SYT1: variants seen among roughly 807,000 people sequenced by gnomAD.
SYT1 encodes synaptotagmin 1.
SYT1 carries 8 observed loss-of-function variants against 44.8 expected under a neutral mutation model. The observed-to-expected ratio is 0.18, with a 90% CI of 0.10 to 0.32. The LOEUF (loss-of-function observed/expected upper bound fraction) is 0.32. Ranked by LOEUF, SYT1 falls within the 10% of genes least tolerant of loss-of-function variation. The pLI is 1.00. For missense variants in SYT1, 286 were observed against 509.3 expected, an observed-to-expected ratio of 0.56 and a Z score of 4.22; for synonymous variants, 154 against 188.8, an observed-to-expected ratio of 0.82 and a Z score of 1.51.
chr12:78,905,015 C>T (rs1442447199), intron 1 of SYT1, among the ~76,000 whole-genome samples: 2 of 152,112 alleles, frequency 1.3e-5, no homozygotes, highest in Non-Finnish European at 2.9e-5. Context: ...ATTAAGCAAT[C>T]TCCTAAGATA....
At chr12:79,195,034 C>A (rs971752228) in intron 3 of SYT1, among the ~76,000 whole-genome samples, 1 of 152,086 alleles carries the variant, frequency 6.6e-6, no homozygotes. Flanking sequence ...CACAAATAAG[C>A]GAGAAAATCC....
At chr12:78,930,227 A>G (rs61929216) in intron 1 of SYT1, among the ~76,000 whole-genome samples, 13,799 of 152,156 alleles carry the variant, frequency 0.091, 716 homozygotes, top group East Asian at 0.18. Context: ...ACTGGTTAAA[A>G]CTTTCTGCAA....
chr12:78,926,618 A>C (rs1441836478), intron 1 of SYT1: 1 of 152,096 alleles, frequency 6.6e-6, no homozygotes, highest in Non-Finnish European at 1.5e-5. Flanking sequence ...ACCAAAAAAA[A>C]AGTATACTTA....
Position 79,296,248 on chromosome 12 carries a change from C to CATTT in SYT1, c.642+19_642+22dup. 1 of 1,609,736 alleles carries CATTT rather than the reference C, an allele frequency of 6.2e-7. No homozygotes were observed. The highest frequency in any genetic ancestry group is 8.5e-7 in the Non-Finnish European group (1 of 1,177,960). ...AATTTACTTTCAAGGTATTTGTTAA[C>CATTT]ATTTATTTATAACCTTTCCTTTGTT... On this transcript the variant is annotated intron_variant, in intron 7 of 10. Transcript: ENST00000261205.
intron 8 of SYT1, among the ~76,000 whole-genome samples, chr12:79,342,780 T>C (rs1374724984): frequency 6.6e-6 from 1 of 152,230 alleles, no homozygotes; most frequent in Non-Finnish European, 1.5e-5. Flanking sequence ...ATATCATTTG[T>C]TGAAATCGAG....
At chr12:79,426,336 C>G (rs570073212) in intron 9 of SYT1, among the ~76,000 whole-genome samples, 5 of 152,230 alleles carry the variant, frequency 3.3e-5, no homozygotes, top group African/African-American at 1.2e-4. Flanking sequence ...CACCCTGAAG[C>G]TAAACTGGGA....
At chr12:79,046,817 T>C (rs1448103164) in intron 2 of SYT1, among the ~76,000 whole-genome samples, 1 of 151,966 alleles carries the variant, frequency 6.6e-6, no homozygotes, top group African/African-American at 2.4e-5. Context: ...TAGGCAAATA[T>C]GTATAACATA....
At chr12:79,002,946 T>C (rs887440537) in intron 2 of SYT1, among the ~76,000 whole-genome samples, 22 of 152,022 alleles carry the variant, frequency 1.4e-4, no homozygotes, top group Non-Finnish European at 2.9e-5. Context: ...CTAAGGAGTG[T>C]TACAAACTAT....
chr12:79,246,081 G>A (rs1392776923), intron 4 of SYT1, among the ~76,000 whole-genome samples: 1 of 151,654 alleles, frequency 6.6e-6, no homozygotes, highest in Non-Finnish European at 1.5e-5. Context: ...TAAAAAATAG[G>A]GAGTTATTAA....
At chr12:79,367,716 C>T (rs983850240) in intron 9 of SYT1, among the ~76,000 whole-genome samples, 5 of 151,932 alleles carry the variant, frequency 3.3e-5, no homozygotes, top group African/African-American at 7.3e-5. Context: ...TTGGATTATA[C>T]GTCTGCCTTC....
intron 4 of SYT1, among the ~76,000 whole-genome samples, chr12:79,227,462 T>G (rs1875590029): frequency 1.3e-5 from 2 of 152,112 alleles, no homozygotes; most frequent in South Asian, 4.1e-4. Flanking sequence ...TGAAGTAGAG[T>G]GCACCTTTCT....
chr12:79,267,447 G>C (rs1878190735), intron 4 of SYT1, among the ~76,000 whole-genome samples: 1 of 152,082 alleles, frequency 6.6e-6, no homozygotes, highest in African/African-American at 2.4e-5. Context: ...AATTGGGTCA[G>C]AATCCAAGAG....
chr12:79,025,968 T>C (rs1300027470), intron 2 of SYT1, among the ~76,000 whole-genome samples: 1 of 151,652 alleles, frequency 6.6e-6, no homozygotes, highest in African/African-American at 2.4e-5. Flanking sequence ...CCCTCAGTGC[T>C]AGATATAAGA....
intron 9 of SYT1, among the ~76,000 whole-genome samples, chr12:79,390,741 G>A (rs765611577): frequency 6.6e-6 from 1 of 152,196 alleles, no homozygotes; most frequent in Non-Finnish European, 1.5e-5. Context: ...GAGCCCTATA[G>A]TAACCTTTCA....
At chr12:79,059,256 T>G (rs1210569866) in intron 3 of SYT1, among the ~76,000 whole-genome samples, 2 of 152,138 alleles carry the variant, frequency 1.3e-5, no homozygotes, top group Non-Finnish European at 2.9e-5. Flanking sequence ...GTGGGAATTA[T>G]GGGAGCTACA....
intron 3 of SYT1, among the ~76,000 whole-genome samples, chr12:79,156,477 G>A (rs1433095665): frequency 1.3e-5 from 2 of 151,918 alleles, no homozygotes; most frequent in Non-Finnish European, 2.9e-5. Context: ...TGTTCTTGTT[G>A]TTGTTGTTGT....
chr12:79,109,533 G>A (rs540618458), intron 3 of SYT1, among the ~76,000 whole-genome samples: 1 of 152,222 alleles, frequency 6.6e-6, no homozygotes, highest in South Asian at 2.1e-4. Flanking sequence ...TCTCAACTCA[G>A]CTATAAAATG....
intron 2 of SYT1, among the ~76,000 whole-genome samples, chr12:79,022,973 T>G (rs1020037069): frequency 3.3e-5 from 5 of 151,868 alleles, no homozygotes; most frequent in African/African-American, 1.2e-4. Context: ...GGTTTTTTAT[T>G]TAACTTATCC....
At chr12:78,897,294 AG>A (rs1420103828) in intron 1 of SYT1, among the ~76,000 whole-genome samples, 3 of 152,110 alleles carry the variant, frequency 2.0e-5, no homozygotes. Flanking sequence ...TGAGCATAAA[AG>A]AAAAGCAACT....
Sources: gnomAD v4.1 joint callset for allele counts (sites outside exome capture counted in the v4.1 genomes callset) on GRCh38, gnomAD v4.1.1 for gene constraint, MANE v1.5 for transcripts, NCBI Gene and HGNC (gene_info 2026-07-23, HGNC 2026-07-21) for gene names.